The following MAPKAPK5 variants were observed in gnomAD, a reference collection of about 807,000 sequenced individuals.
MAPKAPK5 encodes MAPK activated protein kinase 5, also known as MAP kinase-activated protein kinase 5.
In MAPKAPK5, 30 loss-of-function variants were observed where a neutral mutation model predicts 65.1. That is an observed-to-expected ratio of 0.46 (90% CI 0.34 to 0.63). MAPKAPK5 has a LOEUF of 0.63. Among genes scored for constraint, MAPKAPK5 ranks in the 20% least tolerant of loss-of-function variants. MAPKAPK5 has a pLI of 0.01. For missense variants in MAPKAPK5, 433 were observed against 581.4 expected, an observed-to-expected ratio of 0.74 and a Z score of 2.63; for synonymous variants, 179 against 204.6, an observed-to-expected ratio of 0.87 and a Z score of 1.07.
intron 7 of MAPKAPK5, among the ~76,000 whole-genome samples, chr12:111,873,779 T>C (rs1566255451): frequency 6.6e-6 from 1 of 152,226 alleles, no homozygotes; most frequent in Non-Finnish European, 1.5e-5. Flanking sequence ...ATATCTTGAC[T>C]TCAGATTCAT....
In MAPKAPK5 at chr12:111,897,786, C is replaced by T. The variant is rs933411863; in HGVS notation, c.*4725C>T. ...AATAGTGAATAAATTGATCTGCTCT[C>T]ATGCTGTTATCTAAGATCTTATGCT... On this transcript the variant is annotated 3_prime_UTR_variant, in exon 14 of 14. Transcript: ENST00000550735. 1.4e-4 allele frequency: 21 copies of T among 152,120 alleles called. No homozygotes were observed. Among genetic ancestry groups the T allele is most frequent in the African/African-American group, 4.6e-4 (19 of 41,416 alleles). The allele number at this position is 152,120 out of a possible 1,614,324, so 9.4% of individuals were successfully genotyped here.
chr12:111,865,219 C>T (rs1226104900), intron 1 of MAPKAPK5, 31 bp from the exon 2 acceptor site: 3 of 1,396,584 alleles, frequency 2.1e-6, no homozygotes, highest in South Asian at 1.2e-5. Context: ...AGGAATCATT[C>T]TCTGTCCTCT....
chr12:111,843,201 A>G (rs914379180), intron 1 of MAPKAPK5: 2 of 398,518 alleles, frequency 5.0e-6, no homozygotes, highest in Non-Finnish European at 4.4e-6. Flanking sequence ...GGAAATCTGC[A>G]GTTGGAAAAA....
chr12:111,848,315 T>C (rs2136065343), intron 1 of MAPKAPK5, among the ~76,000 whole-genome samples: 1 of 152,318 alleles, frequency 6.6e-6, no homozygotes, highest in South Asian at 2.1e-4. Context: ...TTAATTTGCA[T>C]TTCCCTAACG....
intron 5 of MAPKAPK5, among the ~76,000 whole-genome samples, chr12:111,870,013 C>T (rs887283043): frequency 6.6e-6 from 1 of 152,094 alleles, no homozygotes; most frequent in Non-Finnish European, 1.5e-5. Context: ...CAGGATTTAC[C>T]CATCAGTTTA....
rs1280685945 is a variant in MAPKAPK5 at position 111,896,543 on chromosome 12, G to A, written c.*3482G>A. On this transcript the variant is annotated 3_prime_UTR_variant, in exon 14 of 14. Coordinates refer to ENST00000550735, the MANE Select transcript of MAPKAPK5 (RefSeq NM_003668.4). ...CTGTCAGGTTTGCTACTCGAAATTT[G>A]CACATAACTGGAAGTGAAACGATAT... 1.3e-5 allele frequency: 2 copies of A among 152,198 alleles called. No individual in the cohort carries two copies. Among genetic ancestry groups the A allele is most frequent in the African/African-American group, 4.8e-5 (2 of 41,454 alleles). 9.4% of individuals were successfully genotyped at this position (152,198 alleles called of 1,614,324 possible). A position where few individuals can be genotyped will look rare whatever the true frequency, so the allele number is the denominator to read the frequency against.
chr12:111,849,025 A>G (rs2068988684), intron 1 of MAPKAPK5, among the ~76,000 whole-genome samples: 1 of 152,138 alleles, frequency 6.6e-6, no homozygotes, highest in African/African-American at 2.4e-5. Context: ...TGGCCTCCCA[A>G]AGTGCTGGGA....
chr12:111,866,704 G>A (rs961017129), intron 3 of MAPKAPK5, among the ~76,000 whole-genome samples: 15 of 152,088 alleles, frequency 9.9e-5, no homozygotes, highest in Non-Finnish European at 2.2e-4. Flanking sequence ...CCGCCTCCCG[G>A]GTTCAAGTGA....
chr12:111,854,325 T>C (rs2069173159), intron 1 of MAPKAPK5, among the ~76,000 whole-genome samples: 1 of 151,842 alleles, frequency 6.6e-6, no homozygotes, highest in African/African-American at 2.4e-5. Flanking sequence ...CACTGCAACC[T>C]CCGCCTCCCT....
At chr12:111,863,765 C>T (rs746183846) in intron 1 of MAPKAPK5, among the ~76,000 whole-genome samples, 1 of 151,962 alleles carries the variant, frequency 6.6e-6, no homozygotes, top group Non-Finnish European at 1.5e-5. Context: ...CGCCACCATG[C>T]CTGGCTAATT....
chr12:111,857,080 C>A (rs1389896280), intron 1 of MAPKAPK5, among the ~76,000 whole-genome samples: 1 of 152,150 alleles, frequency 6.6e-6, no homozygotes, highest in Non-Finnish European at 1.5e-5. Context: ...CAAGGTAGCT[C>A]TATTTCCTCC....
chr12:111,868,879 A>G lies in MAPKAPK5; in HGVS notation c.393+18A>G. ...CAAAGCAGGCAAGTTAACCCCAGGT[A>G]CCAATCAAACTGCCACCAAAGTTGG... On this transcript the variant is annotated intron_variant, in intron 5 of 13. Coordinates refer to ENST00000550735, the MANE Select transcript of MAPKAPK5 (RefSeq NM_003668.4). 1 of 1,529,914 alleles carries G rather than the reference A, an allele frequency of 6.5e-7. No homozygotes were observed. Among genetic ancestry groups the G allele is most frequent in the South Asian group, 1.2e-5 (1 of 81,038 alleles). The allele number at this position is 1,529,914 out of a possible 1,614,324, so 94.8% of individuals were successfully genotyped here. A position where few individuals can be genotyped will look rare whatever the true frequency, so the allele number is the denominator to read the frequency against.
intron 1 of MAPKAPK5, among the ~76,000 whole-genome samples, chr12:111,861,019 T>C (rs951730050): frequency 1.3e-5 from 2 of 151,390 alleles, no homozygotes; most frequent in Admixed American, 1.3e-4. Context: ...ATTAGCTGGG[T>C]GCAGTGGTGG....
chr12:111,878,708 C>G (rs917082545), intron 7 of MAPKAPK5, among the ~76,000 whole-genome samples: 1 of 152,128 alleles, frequency 6.6e-6, no homozygotes, highest in Admixed American at 6.5e-5. Flanking sequence ...CGTGAGCCAC[C>G]ATGCCCCGCC....
rs545738340 is a variant in MAPKAPK5, at chr12:111,866,250, A to G, written c.186+19A>G. 5 of 1,596,576 alleles carry G rather than the reference A, an allele frequency of 3.1e-6. No individual in the cohort carries two copies. The highest frequency in any genetic ancestry group is 1.7e-5 in the Admixed American group (1 of 57,316). ...AAATGAGGTATGCTTTATTGCCTCG[A>G]CTTAATTAAATAGTTGAAGTGCCTA... is the stretch of plus-strand genomic sequence containing the variant. On this transcript the variant is annotated intron_variant, in intron 3 of 13. Transcript: ENST00000550735.
chr12:111,867,544 T>G, intron 3 of MAPKAPK5, 28 bp from the exon 4 acceptor site: 2 of 1,558,584 alleles, frequency 1.3e-6, no homozygotes, highest in Non-Finnish European at 1.8e-6. Flanking sequence ...CCCCTACCTA[T>G]TGATACATTT....
intron 1 of MAPKAPK5, among the ~76,000 whole-genome samples, chr12:111,859,390 T>C (rs2069352301): frequency 6.6e-6 from 1 of 151,222 alleles, no homozygotes; most frequent in Non-Finnish European, 1.5e-5. Context: ...GCGATTCTCC[T>C]GCCTCAGCCT....
chr12:111,877,076 A>G (rs2070007285), intron 7 of MAPKAPK5, among the ~76,000 whole-genome samples: 1 of 151,986 alleles, frequency 6.6e-6, no homozygotes, highest in Admixed American at 6.6e-5. Context: ...GGAGTGCAGT[A>G]GCACGATCTC....
At chr12:111,884,253 C>T (rs932549818) in intron 9 of MAPKAPK5, among the ~76,000 whole-genome samples, 10 of 152,176 alleles carry the variant, frequency 6.6e-5, no homozygotes, top group Non-Finnish European at 1.2e-4. Context: ...CTCTGTTGCC[C>T]AGGGTGGAGT....
Sources: allele counts gnomAD v4.1 joint callset (sites outside exome capture counted in the v4.1 genomes callset), GRCh38; gene constraint gnomAD v4.1.1; transcripts MANE v1.5; gene names NCBI Gene and HGNC (gene_info 2026-07-23, HGNC 2026-07-21).